The following RAB40B variants were observed in gnomAD, a reference collection of about 807,000 sequenced individuals.
RAB40B encodes the protein ras-related protein Rab-40B.
Under a neutral mutation model 24.0 loss-of-function variants are expected in RAB40B, and 21 were observed. The ratio of observed to expected loss-of-function variants is 0.88; its 90% CI spans 0.62 to 1.26. RAB40B has a LOEUF of 1.26. Among genes scored for constraint, RAB40B ranks in the 50% most tolerant of loss-of-function variants. The pLI is 0.00. For missense variants in RAB40B, 348 were observed against 390.5 expected, an observed-to-expected ratio of 0.89 and a Z score of 0.92; for synonymous variants, 167 against 169.8, an observed-to-expected ratio of 0.98 and a Z score of 0.13.
At chr17:82,668,593 G>A (rs1313417138) in intron 1 of RAB40B, among the ~76,000 whole-genome samples, 2 of 152,280 alleles carry the variant, frequency 1.3e-5, no homozygotes, top group Non-Finnish European at 2.9e-5. Context: ...TGCCCCAAGT[G>A]TGGACCCACC....
chr17:82,688,560 G>A (rs1055713306), intron 1 of RAB40B, among the ~76,000 whole-genome samples: 4 of 152,046 alleles, frequency 2.6e-5, no homozygotes, highest in African/African-American at 9.7e-5. Flanking sequence ...AGGGTGCAGT[G>A]AGCTAAGAAC....
intron 1 of RAB40B, among the ~76,000 whole-genome samples, chr17:82,678,054 G>A (rs966502960): frequency 6.6e-6 from 1 of 152,182 alleles, no homozygotes; most frequent in Non-Finnish European, 1.5e-5. Flanking sequence ...TTTGTGAGAA[G>A]ACTCTTCTTT....
intron 1 of RAB40B, among the ~76,000 whole-genome samples, chr17:82,689,828 C>T (rs1199687002): frequency 6.6e-6 from 1 of 151,882 alleles, no homozygotes; most frequent in Non-Finnish European, 1.5e-5. Context: ...ATTAGCTGGA[C>T]GTGATGGTGG....
chr17:82,663,895 G>A lies in RAB40B; in HGVS notation c.203+601C>T, dbSNP rs907582280. Among the ~76,000 whole-genome samples, 7 of 152,150 alleles carry A rather than the reference G, an allele frequency of 4.6e-5. No homozygotes were observed. The highest frequency in any genetic ancestry group is 1.0e-4 in the Non-Finnish European group (7 of 68,012). On this transcript the variant is annotated intron_variant, in intron 2 of 5. Coordinates refer to ENST00000571995, the MANE Select transcript of RAB40B (RefSeq NM_006822.3). This position sits in a 1 kb window ranked among gnomAD's most constrained non-coding sequence, Gnocchi z 6.2. ...TCTGGGGTCCCCTACTCTGGATGACGGGGGCCCAGACAACCGGACCACCAC... is the reference window on the plus strand; with the variant it reads ...TCTGGGGTCCCCTACTCTGGATGACAGGGGCCCAGACAACCGGACCACCAC...
intron 1 of RAB40B, among the ~76,000 whole-genome samples, chr17:82,671,426 A>T (rs12938630): frequency 2.3e-5 from 2 of 87,912 alleles, no homozygotes; most frequent in Non-Finnish European, 2.7e-5. Flanking sequence ...ACTCTAACAC[A>T]CACACGCTCC....
chr17:82,681,083 A>G (rs1243391598), intron 1 of RAB40B, among the ~76,000 whole-genome samples: 1 of 151,730 alleles, frequency 6.6e-6, no homozygotes, highest in Non-Finnish European at 1.5e-5. Flanking sequence ...TTGAGAGAAA[A>G]TTAGCTAAAA....
In RAB40B at chr17:82,667,387, CT is replaced by C. The variant is rs1450165052; in HGVS notation, c.143-2832del. ...CTGGGCCTCTGTCCTCCACTTTCCA[CT>C]GATGCAGCCATGAGCACGTGCATGG... is the stretch of plus-strand genomic sequence containing the variant. On this transcript the variant is annotated intron_variant, in intron 1 of 5. Coordinates refer to ENST00000571995, the MANE Select transcript of RAB40B (RefSeq NM_006822.3). This position sits in a 1 kb window ranked among gnomAD's most constrained non-coding sequence, Gnocchi z 4.3. Among the ~76,000 whole-genome samples the C allele has an allele frequency of 1.3e-5, 2 of 152,248 alleles. No individual in the cohort carries two copies. The highest frequency in any genetic ancestry group is 4.8e-5 in the African/African-American group (2 of 41,472).
intron 1 of RAB40B, among the ~76,000 whole-genome samples, chr17:82,665,726 G>C (rs1053425555): frequency 6.6e-6 from 1 of 151,990 alleles, no homozygotes. Context: ...AATTAGCCGG[G>C]TGTGGTGGCG....
At chr17:82,665,142 C>T (rs1490292536) in intron 1 of RAB40B, among the ~76,000 whole-genome samples, 1 of 152,218 alleles carries the variant, frequency 6.6e-6, no homozygotes, top group Non-Finnish European at 1.5e-5. Flanking sequence ...GCACACCCGT[C>T]CCAGCCACCT....
chr17:82,664,416 T>G, intron 2 of RAB40B, 80 bp downstream of exon 2: 1 of 1,414,552 alleles, frequency 7.1e-7, no homozygotes, highest in Admixed American at 1.8e-5. Flanking sequence ...CCCGGGGCAC[T>G]GTGCTGACAG....
chr17:82,677,435 C>T (rs534714379), intron 1 of RAB40B, among the ~76,000 whole-genome samples: 1 of 152,340 alleles, frequency 6.6e-6, no homozygotes, highest in African/African-American at 2.4e-5. Flanking sequence ...GCATTACAAG[C>T]CGGGCTGCTT....
intron 1 of RAB40B, among the ~76,000 whole-genome samples, chr17:82,695,305 C>A (rs2046597966): frequency 6.6e-6 from 1 of 151,106 alleles, no homozygotes; most frequent in Non-Finnish European, 1.5e-5. Flanking sequence ...GATTCTCCTG[C>A]CTCAGCCTCC....
rs1475170931 is a variant in RAB40B at position 82,667,871 on chromosome 17, C to T, written c.143-3315G>A. Among the ~76,000 whole-genome samples the T allele has an allele frequency of 3.9e-5, 6 of 152,198 alleles. No individual in the cohort carries two copies. Among genetic ancestry groups the T allele is most frequent in the African/African-American group, 9.6e-5 (4 of 41,454 alleles). ...ACGAGGCTTTCCTGAGCTGGCCAAA[C>T]GTTTGCCACCGAGCCCAGCAGGCAC... is the stretch of plus-strand genomic sequence containing the variant. On this transcript the variant is annotated intron_variant, in intron 1 of 5. Coordinates refer to ENST00000571995, the MANE Select transcript of RAB40B (RefSeq NM_006822.3). The surrounding 1 kb of genome is among the most constrained non-coding windows in gnomAD (Gnocchi z 4.3).
chr17:82,674,647 AAAAAAGAAAAG>A (rs1273659031), intron 1 of RAB40B, among the ~76,000 whole-genome samples: 47 of 151,840 alleles, frequency 3.1e-4, no homozygotes, highest in Admixed American at 1.7e-3. Context: ...TAAAAAAAAA[AAAAAAGAAAAG>A]AAAAGAAAAG....
chr17:82,659,284 C>G (rs978821696), intron 4 of RAB40B: 2 of 418,212 alleles, frequency 4.8e-6, no homozygotes, highest in Non-Finnish European at 8.8e-6. Context: ...CAGCCCAGCC[C>G]GACCACAGCA....
intron 1 of RAB40B, among the ~76,000 whole-genome samples, chr17:82,695,064 A>G (rs540097906): frequency 6.6e-6 from 1 of 152,016 alleles, no homozygotes; most frequent in African/African-American, 2.4e-5. Context: ...TACAGCCACA[A>G]TACAGAAGCA....
chr17:82,665,315 T>C (rs8081139), intron 1 of RAB40B, among the ~76,000 whole-genome samples: 99,007 of 151,258 alleles, frequency 0.65, 32,575 homozygotes, highest in South Asian at 0.72. Context: ...TGCAGTGGCG[T>C]GATCACAGCT....
In RAB40B at chr17:82,667,058, G is replaced by A. The variant is rs1408888855; in HGVS notation, c.143-2502C>T. Among the ~76,000 whole-genome samples the A allele has an allele frequency of 1.3e-5, 2 of 152,192 alleles. No homozygotes were observed. The highest frequency in any genetic ancestry group is 2.9e-5 in the Non-Finnish European group (2 of 68,028). On this transcript the variant is annotated intron_variant, in intron 1 of 5. Coordinates refer to ENST00000571995, the MANE Select transcript of RAB40B (RefSeq NM_006822.3). This position sits in a 1 kb window ranked among gnomAD's most constrained non-coding sequence, Gnocchi z 4.3. The stretch of plus-strand genomic sequence containing the variant: ...CCCTGGAGACCGTCGTGGAGCACAC[G>A]GCCTCTGCAGCTCTCCTTCCAGAGA...
intron 3 of RAB40B, among the ~76,000 whole-genome samples, chr17:82,660,705 CAG>C (rs2046160246): frequency 1.4e-5 from 2 of 145,686 alleles, no homozygotes; most frequent in South Asian, 4.4e-4. Flanking sequence ...CACACACACA[CAG>C]GCACTCATGC....
Sources: allele counts gnomAD v4.1 joint callset (sites outside exome capture counted in the v4.1 genomes callset), GRCh38; gene constraint gnomAD v4.1.1; non-coding constraint Gnocchi (gnomAD v3.1); transcripts MANE v1.5; gene names NCBI Gene and HGNC (gene_info 2026-07-23, HGNC 2026-07-21).